Variants in ACSL1 observed in about 807,000 individuals in gnomAD.
The protein encoded by ACSL1 is acyl-CoA synthetase long chain family member 1.
A neutral mutation model predicts 98.4 loss-of-function variants in ACSL1; 41 were observed. That is an observed-to-expected ratio of 0.42 (90% CI 0.32 to 0.54). The LOEUF (loss-of-function observed/expected upper bound fraction) is 0.54. Among genes scored for constraint, ACSL1 ranks in the 20% least tolerant of loss-of-function variants. The pLI, the probability that ACSL1 is intolerant of heterozygous loss-of-function variation, is 0.13. For synonymous variants in ACSL1, 316 were observed against 322.7 expected (o/e 0.98, Z 0.22); for missense variants, 734 against 883.1 (o/e 0.83, Z 2.14).
Position 184,773,791 on chromosome 4 carries a change from G to A in ACSL1, c.789+52C>T, listed in dbSNP as rs925410379. ...CTATAAGCCACAAGGTACCAGGCTA[G>A]ATATTGAAAACTACAAAGAGGACAG... is the stretch of plus-strand genomic sequence containing the variant. On this transcript the variant is annotated intron_variant, in intron 8 of 20. Transcript: ENST00000281455. This position sits in a 1 kb window ranked among gnomAD's most constrained non-coding sequence, Gnocchi z 4.3. 6 of 1,613,584 alleles carry A rather than the reference G, an allele frequency of 3.7e-6. No homozygotes were observed. Among genetic ancestry groups the A allele is most frequent in the East Asian group, 2.2e-5 (1 of 44,878 alleles).
chr4:184,804,571 A>AC (rs1771092265), intron 1 of ACSL1, among the ~76,000 whole-genome samples: 1 of 146,958 alleles, frequency 6.8e-6, no homozygotes, highest in South Asian at 2.2e-4. Flanking sequence ...ACAAAGTGAG[A>AC]CCCCGTCTCA....
intron 16 of ACSL1, 121 bp from the exon 17 acceptor site, chr4:184,762,644 G>A: frequency 1.2e-6 from 1 of 822,666 alleles, no homozygotes; most frequent in Non-Finnish European, 2.0e-6. Flanking sequence ...CTAAACTCCA[G>A]GATGCAGAGG....
At chr4:184,805,162 G>GA (rs1481842913) in intron 1 of ACSL1, among the ~76,000 whole-genome samples, 1 of 152,150 alleles carries the variant, frequency 6.6e-6, no homozygotes, top group Non-Finnish European at 1.5e-5. Context: ...ACAGACACGT[G>GA]AAAAAATGCT....
chr4:184,771,094 A>G (rs1427360067), intron 10 of ACSL1, among the ~76,000 whole-genome samples: 1 of 152,210 alleles, frequency 6.6e-6, no homozygotes, highest in African/African-American at 2.4e-5. Flanking sequence ...ACTGCACTCC[A>G]GCCTGGGCAA....
In ACSL1 at chr4:184,823,177, C is replaced by T. The variant is rs927927617; in HGVS notation, c.-33+2739G>A. ...GACTGCCAACCTTCACTAAAAACTCCGGCACCTTTATCTACCTCCTGTCAG... is the reference window on the plus strand; with the variant it reads ...GACTGCCAACCTTCACTAAAAACTCTGGCACCTTTATCTACCTCCTGTCAG... On this transcript the variant is annotated intron_variant, in intron 1 of 20. Transcript: ENST00000281455. Among the ~76,000 whole-genome samples the T allele has an allele frequency of 9.8e-5, 15 of 152,332 alleles. No homozygotes were observed. In the East Asian group the frequency reaches 1.9e-3, roughly 20 times the overall value.
rs371610446 is a variant in ACSL1 at position 184,808,280 on chromosome 4, A to G, written c.-32-4734T>C. 6 of 983,732 alleles carry G rather than the reference A, an allele frequency of 6.1e-6. No individual in the cohort carries two copies. In the African/African-American group the frequency reaches 7.0e-5, roughly 11 times the overall value. 60.9% of individuals were successfully genotyped at this position (983,732 alleles called of 1,614,324 possible). A position where few individuals can be genotyped will look rare whatever the true frequency, so the allele number is the denominator to read the frequency against. ...ACACACTGCCCCTGCAACTCTGCAA[A>G]CTTTTACTTACATTAACATTGTATT... On this transcript the variant is annotated intron_variant, in intron 1 of 20. Coordinates refer to ENST00000281455, the MANE Select transcript of ACSL1 (RefSeq NM_001995.5).
chr4:184,762,077 A>G (rs1475308010), intron 17 of ACSL1, among the ~76,000 whole-genome samples: 1 of 151,932 alleles, frequency 6.6e-6, no homozygotes, highest in Non-Finnish European at 1.5e-5. Context: ...CAGTGAGCCG[A>G]GATCACGCCA....
In ACSL1 at chr4:184,766,664, T is replaced by C. The variant is rs1225421451; in HGVS notation, c.1221A>G (p.Arg407=). The change falls in exon 13 of 21, where the codon AGA becomes AGG. Residue 407 remains arginine, a synonymous_variant. Transcript: ENST00000281455. This position sits in a 1 kb window ranked among gnomAD's most constrained non-coding sequence, Gnocchi z 4.8. ...TCAGCCGGTCCCACAGGCTGTTGTT[T>C]CTGATGATGCCGCTGCGAAGCTCTG... The part of the protein sequence containing the change: ...KEAELRSGII[R]NNSLWDRLIF... 1 of 1,614,052 alleles carries C rather than the reference T, an allele frequency of 6.2e-7. No homozygotes were observed. The highest frequency in any genetic ancestry group is 2.2e-5 in the East Asian group (1 of 44,900).
chr4:184,802,136 C>T (rs1226094562), intron 2 of ACSL1, among the ~76,000 whole-genome samples: 1 of 152,208 alleles, frequency 6.6e-6, no homozygotes, highest in Non-Finnish European at 1.5e-5. Flanking sequence ...AAATAGAAAT[C>T]AAGTAGAAAG....
intron 1 of ACSL1, among the ~76,000 whole-genome samples, chr4:184,815,386 C>G (rs1772536759): frequency 6.6e-6 from 1 of 152,134 alleles, no homozygotes; most frequent in Admixed American, 6.6e-5. Context: ...GCATTCTTGT[C>G]AATGTCTTGG....
At chr4:184,809,648 T>C (rs1000133894) in intron 1 of ACSL1, among the ~76,000 whole-genome samples, 1 of 151,550 alleles carries the variant, frequency 6.6e-6, no homozygotes, top group Non-Finnish European at 1.5e-5. Context: ...AAAAAAAAAT[T>C]AGCCAGGCGT....
chr4:184,773,182 A>G lies in ACSL1; in HGVS notation c.842-28T>C. ...GTGGAGCACATATGAAGCAGAACAA[A>G]GTTAAAGAATGACAGAAATGAAGGA... On this transcript the variant is annotated intron_variant, in intron 9 of 20. Transcript: ENST00000281455. The surrounding 1 kb of genome is among the most constrained non-coding windows in gnomAD (Gnocchi z 4.3). 1 of 1,594,260 alleles carries G rather than the reference A, an allele frequency of 6.3e-7. No individual in the cohort carries two copies. Among genetic ancestry groups the G allele is most frequent in the Non-Finnish European group, 8.6e-7 (1 of 1,162,586 alleles).
At chr4:184,820,744 A>G (rs532264022) in intron 1 of ACSL1, among the ~76,000 whole-genome samples, 1 of 152,254 alleles carries the variant, frequency 6.6e-6, no homozygotes, top group African/African-American at 2.4e-5. Flanking sequence ...AGCTGAGACT[A>G]CAGGCACGTA....
At position 184,757,294 on chromosome 4, in the gene ACSL1, GA is replaced by G; in HGVS notation, c.1957-30del. 1.9e-6 allele frequency: 3 copies of G among 1,575,754 alleles called. No homozygotes were observed. Among genetic ancestry groups the G allele is most frequent in the Non-Finnish European group, 1.7e-6 (2 of 1,153,582 alleles). On this transcript the variant is annotated intron_variant, in intron 20 of 20. Coordinates refer to ENST00000281455, the MANE Select transcript of ACSL1 (RefSeq NM_001995.5). The surrounding 1 kb of genome is among the most constrained non-coding windows in gnomAD (Gnocchi z 4.5). ...CCAATAAACAAGGCAGTTAAAAGAG[GA>G]AAAAGGACACGGGCCACCAGTCTCA... is the stretch of plus-strand genomic sequence containing the variant.
At chr4:184,812,190 C>T (rs970895737) in intron 1 of ACSL1, 25 of 985,362 alleles carry the variant, frequency 2.5e-5, no homozygotes, top group Admixed American at 1.8e-4. Context: ...TATGTAGATG[C>T]TTCTTCCTCT....
chr4:184,757,158 C>A lies in ACSL1; in HGVS notation c.2064G>T (p.Gln688His). The change falls in exon 21 of 21, where the codon CAG (glutamine) becomes CAT (histidine). Residue 688 changes from glutamine (Q) to histidine (H), a missense_variant. By Grantham distance (24) the Gln-to-His change is conservative (BLOSUM62 0). Coordinates refer to ENST00000281455, the MANE Select transcript of ACSL1 (RefSeq NM_001995.5). The surrounding 1 kb of genome is among the most constrained non-coding windows in gnomAD (Gnocchi z 4.5). ...TGATAGTGGAATAGAGGTCATCTATCTGCGACCTGAAATAGTTCCGCAGCT... is the reference window on the plus strand; with the variant it reads ...TGATAGTGGAATAGAGGTCATCTATATGCGACCTGAAATAGTTCCGCAGCT... The part of the protein sequence containing the change: ...RPELRNYFRS[Q>H]IDDLYSTIKV 1 of 1,607,154 alleles carries A rather than the reference C, an allele frequency of 6.2e-7. No individual in the cohort carries two copies. The highest frequency in any genetic ancestry group is 8.5e-7 in the Non-Finnish European group (1 of 1,174,180).
intron 3 of ACSL1, among the ~76,000 whole-genome samples, chr4:184,787,653 T>C (rs60780116): frequency 0.14 from 20,991 of 149,868 alleles, 1,661 homozygotes; most frequent in South Asian, 0.17. Flanking sequence ...CACCTGAGAT[T>C]AGGAGTTTGA....
intron 17 of ACSL1, among the ~76,000 whole-genome samples, chr4:184,761,188 A>G (rs1762809149): frequency 6.6e-6 from 1 of 152,166 alleles, no homozygotes; most frequent in Non-Finnish European, 1.5e-5. Context: ...CCATTTTCAA[A>G]AGGAGCAAAC....
At chr4:184,793,653 G>A (rs1166776532) in intron 2 of ACSL1, among the ~76,000 whole-genome samples, 1 of 152,192 alleles carries the variant, frequency 6.6e-6, no homozygotes, top group African/African-American at 2.4e-5. Context: ...CAGGGCGAAA[G>A]TGAGAAGGGA....
Sources: gnomAD v4.1 joint callset for allele counts (sites outside exome capture counted in the v4.1 genomes callset) on GRCh38, gnomAD v4.1.1 for gene constraint, Gnocchi (gnomAD v3.1) non-coding constraint, MANE v1.5 for transcripts, NCBI Gene and HGNC (gene_info 2026-07-23, HGNC 2026-07-21) for gene names.